The following MCHR2 variants were observed in gnomAD, a reference collection of about 807,000 sequenced individuals.
MCHR2 encodes melanin concentrating hormone receptor 2.
MCHR2 carries 15 observed loss-of-function variants against 24.8 expected under a neutral mutation model. The observed-to-expected ratio is 0.60, with a 90% CI of 0.40 to 0.93. The LOEUF (loss-of-function observed/expected upper bound fraction) is 0.93. Ranked by LOEUF, MCHR2 falls within the 40% of genes least tolerant of loss-of-function variation. The pLI is 0.00. For synonymous variants in MCHR2, 151 were observed against 147.6 expected, an observed-to-expected ratio of 1.02 and a Z score of -0.17; for missense variants, 386 against 408.7, an observed-to-expected ratio of 0.94 and a Z score of 0.48.
Position 99,951,323 on chromosome 6 carries a change from C to T in MCHR2, c.183-3352G>A, listed in dbSNP as rs575306456. Reference sequence around the variant, plus strand: ...TGTGCTGAGAAGAATTCTGAGTCCTCACACAGGACAGACCTATACAGGACA... The same window carrying T: ...TGTGCTGAGAAGAATTCTGAGTCCTTACACAGGACAGACCTATACAGGACA... On this transcript the variant is annotated intron_variant, in intron 2 of 5. Transcript: ENST00000281806. Among the ~76,000 whole-genome samples the T allele has an allele frequency of 7.6e-4, 116 of 152,202 alleles. 1 individual carries two copies. Among genetic ancestry groups the T allele is most frequent in the African/African-American group, 2.6e-3 (110 of 41,550 alleles).
chr6:99,934,324 C>A, intron 5 of MCHR2, 74 bp downstream of exon 5: 2 of 1,364,838 alleles, frequency 1.5e-6, no homozygotes, highest in Non-Finnish European at 9.6e-7. Flanking sequence ...GTCACTGTTG[C>A]CTAAGTTTCT....
At chr6:99,965,734 G>A (rs1011752278) in intron 1 of MCHR2, among the ~76,000 whole-genome samples, 2 of 151,992 alleles carry the variant, frequency 1.3e-5, no homozygotes, top group African/African-American at 4.8e-5. Flanking sequence ...CAAATGAATA[G>A]GTTTGGGAGG....
chr6:99,954,603 G>A (rs565059737), intron 2 of MCHR2, among the ~76,000 whole-genome samples: 427 of 152,192 alleles, frequency 2.8e-3, no homozygotes, highest in Middle Eastern at 6.8e-3. Context: ...TGATGTTACT[G>A]GGCTGCTTAG....
chr6:99,936,497 G>A (rs1184509428), intron 4 of MCHR2, among the ~76,000 whole-genome samples: 2 of 151,638 alleles, frequency 1.3e-5, no homozygotes, highest in Non-Finnish European at 3.0e-5. Flanking sequence ...AAGATGAGTT[G>A]GCTATAAATG....
At chr6:99,937,529 A>G (rs182523724) in intron 4 of MCHR2, among the ~76,000 whole-genome samples, 10 of 151,970 alleles carry the variant, frequency 6.6e-5, no homozygotes, top group Admixed American at 2.0e-4. Flanking sequence ...TGTATGGTGA[A>G]CCATCCTCAC....
Position 99,956,161 on chromosome 6 carries a change from T to C in MCHR2, c.-14A>G, listed in dbSNP as rs202126310. The C allele has an allele frequency of 8.8e-5, 141 of 1,602,012 alleles. No homozygotes were observed. The highest frequency in any genetic ancestry group is 1.2e-4 in the Non-Finnish European group (136 of 1,173,308). On this transcript the variant is annotated 5_prime_UTR_variant, in exon 2 of 6. Coordinates refer to ENST00000281806, the MANE Select transcript of MCHR2 (RefSeq NM_001040179.2). ...AAATGGATTCATTGTTCGTGGACTTTCCAGGGATTAAAGCTGTGAAGTAAT... is the reference window on the plus strand; with the variant it reads ...AAATGGATTCATTGTTCGTGGACTTCCCAGGGATTAAAGCTGTGAAGTAAT...
intron 3 of MCHR2, among the ~76,000 whole-genome samples, chr6:99,943,734 C>T (rs1181501222): frequency 2.6e-5 from 4 of 152,148 alleles, no homozygotes; most frequent in African/African-American, 9.7e-5. Flanking sequence ...TCTGAATAAA[C>T]CACTCACTGA....
At chr6:99,942,687 T>C (rs554853455) in intron 4 of MCHR2, among the ~76,000 whole-genome samples, 7 of 152,272 alleles carry the variant, frequency 4.6e-5, no homozygotes, top group Admixed American at 2.0e-4. Flanking sequence ...GTCTGGCTGC[T>C]ATGAATGTTT....
chr6:99,961,303 T>A (rs1222664583), intron 1 of MCHR2, among the ~76,000 whole-genome samples: 1 of 152,124 alleles, frequency 6.6e-6, no homozygotes, highest in East Asian at 1.9e-4. Context: ...GTGTGGCGAT[T>A]CCTTAAGGAT....
At position 99,947,540 on chromosome 6, in the gene MCHR2, G is replaced by T. The variant is rs1774892817; in HGVS notation, c.392+222C>A. Among the ~76,000 whole-genome samples, 4 of 152,014 alleles carry T rather than the reference G, an allele frequency of 2.6e-5. No homozygotes were observed. The South Asian group carries it at 8.3e-4, about 32-fold the overall frequency. On this transcript the variant is annotated intron_variant, in intron 3 of 5. Coordinates refer to ENST00000281806, the MANE Select transcript of MCHR2 (RefSeq NM_001040179.2). ...ATTGCAAATAAAACTGAGTCAAAAAGAATGATTAGAAAAAAGGAGATTTTT... is the reference window on the plus strand; with the variant it reads ...ATTGCAAATAAAACTGAGTCAAAAATAATGATTAGAAAAAAGGAGATTTTT...
intron 1 of MCHR2, among the ~76,000 whole-genome samples, chr6:99,981,324 C>T (rs1775665834): frequency 6.6e-6 from 1 of 152,172 alleles, no homozygotes. Context: ...CTAAACACTT[C>T]CCTGTGGGGT....
At chr6:99,933,938 C>T (rs2114504180) in intron 5 of MCHR2, among the ~76,000 whole-genome samples, 1 of 151,944 alleles carries the variant, frequency 6.6e-6, no homozygotes, top group South Asian at 2.1e-4. Flanking sequence ...TTCATTTGCT[C>T]CTGATTAATC....
rs904725308 is a variant in MCHR2 at position 99,919,214 on chromosome 6, C to T, written c.*1726G>A. Among the ~76,000 whole-genome samples the T allele has an allele frequency of 2.6e-5, 4 of 152,132 alleles. No individual in the cohort carries two copies. The highest frequency in any genetic ancestry group is 5.9e-5 in the Non-Finnish European group (4 of 68,032). On this transcript the variant is annotated 3_prime_UTR_variant, in exon 6 of 6. Transcript: ENST00000281806. ...CTATGGAAATAAAATGTTTCAGATG[C>T]TACCTGTCTCAGTGTGTAGTTCTCA... is the stretch of plus-strand genomic sequence containing the variant.
At chr6:99,984,497 C>A (rs1365791316) in intron 1 of MCHR2, among the ~76,000 whole-genome samples, 2 of 147,438 alleles carry the variant, frequency 1.4e-5, no homozygotes, top group African/African-American at 5.0e-5. Flanking sequence ...TTACACACTA[C>A]TTTTAGACTT....
chr6:99,973,966 G>A (rs1330675609), intron 1 of MCHR2, among the ~76,000 whole-genome samples: 1 of 152,136 alleles, frequency 6.6e-6, no homozygotes, highest in Non-Finnish European at 1.5e-5. Flanking sequence ...TGGGTAACCC[G>A]ACCTTTCTTT....
At chr6:99,968,118 C>A (rs1195926447) in intron 1 of MCHR2, among the ~76,000 whole-genome samples, 1 of 152,114 alleles carries the variant, frequency 6.6e-6, no homozygotes, top group African/African-American at 2.4e-5. Flanking sequence ...CAATAATCAT[C>A]ATGATCATCA....
chr6:99,972,784 A>G (rs1460700115), intron 1 of MCHR2, among the ~76,000 whole-genome samples: 2 of 152,082 alleles, frequency 1.3e-5, no homozygotes, highest in African/African-American at 4.8e-5. Context: ...TTGGTTTCAA[A>G]GAGCATCTTT....
chr6:99,921,387 C>G (rs539479669), intron 5 of MCHR2, 132 bp from the exon 6 acceptor site: 1 of 764,228 alleles, frequency 1.3e-6, no homozygotes, highest in Non-Finnish European at 2.1e-6. Context: ...TATATTCCTA[C>G]TTACTTGGTG....
At chr6:99,986,849 A>AAT (rs1216228531) in intron 1 of MCHR2, among the ~76,000 whole-genome samples, 1 of 150,344 alleles carries the variant, frequency 6.7e-6, no homozygotes, top group Non-Finnish European at 1.5e-5. Flanking sequence ...CTAAGTATAT[A>AAT]ATATATATAC....
Sources: gnomAD v4.1 joint callset for allele counts (sites outside exome capture counted in the v4.1 genomes callset) on GRCh38, gnomAD v4.1.1 for gene constraint, MANE v1.5 for transcripts, NCBI Gene and HGNC (gene_info 2026-07-23, HGNC 2026-07-21) for gene names.